OSBPL10: variants seen among roughly 807,000 people sequenced by gnomAD.
OSBPL10 encodes the protein oxysterol binding protein like 10, also known as oxysterol-binding protein-related protein 10.
A neutral mutation model predicts 81.7 loss-of-function variants in OSBPL10; 49 were observed. The observed-to-expected ratio is 0.60, with a 90% CI of 0.48 to 0.76. The LOEUF (loss-of-function observed/expected upper bound fraction) is 0.76, where lower values mean the gene tolerates loss of function less well. Ranked by LOEUF, OSBPL10 falls within the 30% of genes least tolerant of loss-of-function variation. The probability of loss-of-function intolerance (pLI) is 0.00; values close to 1 mark genes in which losing one functional copy is unlikely to be tolerated. For synonymous variants in OSBPL10, 419 were observed against 383.6 expected (o/e 1.09, Z -1.08); for missense variants, 923 against 987.8 (o/e 0.93, Z 0.88).
At chr3:31,708,637 A>G (rs1575490784) in intron 6 of OSBPL10, 1 of 833,080 alleles carries the variant, frequency 1.2e-6, no homozygotes, top group Non-Finnish European at 1.4e-6. Context: ...CATGCTTGGA[A>G]AAAGTATCTC....
chr3:31,792,702 GGT>G (rs1404326942), intron 4 of OSBPL10, among the ~76,000 whole-genome samples: 2 of 149,802 alleles, frequency 1.3e-5, no homozygotes, highest in African/African-American at 2.5e-5. Flanking sequence ...GGTGTGCAGG[GGT>G]GTGTGTGTTT....
At chr3:31,735,431 C>A (rs1461804356) in intron 5 of OSBPL10, among the ~76,000 whole-genome samples, 1 of 152,142 alleles carries the variant, frequency 6.6e-6, no homozygotes, top group Non-Finnish European at 1.5e-5. Context: ...CAATGAAAGA[C>A]CCTGTTTCAA....
At chr3:31,925,770 G>A (rs1697055892) in intron 1 of OSBPL10, among the ~76,000 whole-genome samples, 2 of 152,030 alleles carry the variant, frequency 1.3e-5, no homozygotes, top group African/African-American at 2.4e-5. Context: ...CCGAGATTGT[G>A]CCACTGCACT....
chr3:31,716,858 A>G (rs1696460093), intron 6 of OSBPL10: 1 of 152,228 alleles, frequency 6.6e-6, no homozygotes, highest in African/African-American at 2.4e-5. Flanking sequence ...ATCAGTGGCC[A>G]CACCAGGCAG....
chr3:32,015,496 T>C (rs975751780), intron 2 of OSBPL10, among the ~76,000 whole-genome samples: 2 of 152,012 alleles, frequency 1.3e-5, no homozygotes, highest in Non-Finnish European at 2.9e-5. Context: ...CCATAAAAAC[T>C]CTAGAAGAAA....
At chr3:31,845,623 T>C (rs1396779039) in intron 3 of OSBPL10, among the ~76,000 whole-genome samples, 3 of 152,174 alleles carry the variant, frequency 2.0e-5, no homozygotes, top group African/African-American at 2.4e-5. Context: ...TAAGAAGCGG[T>C]TCTGTGTCAG....
intron 5 of OSBPL10, among the ~76,000 whole-genome samples, chr3:31,740,109 T>C (rs537043922): frequency 3.4e-4 from 51 of 151,606 alleles, no homozygotes; most frequent in African/African-American, 1.2e-3. Flanking sequence ...AGTGGCACGA[T>C]TGCAGCTCAC....
chr3:31,793,766 GT>G (rs1699098086), intron 4 of OSBPL10, among the ~76,000 whole-genome samples: 1 of 152,176 alleles, frequency 6.6e-6, no homozygotes, highest in African/African-American at 2.4e-5. Flanking sequence ...TTAAAAAGTG[GT>G]TTTTTGACTA....
chr3:31,666,737 G>A (rs924903432), intron 10 of OSBPL10, among the ~76,000 whole-genome samples: 8 of 152,074 alleles, frequency 5.3e-5, no homozygotes, highest in African/African-American at 1.2e-4. Flanking sequence ...ACATACCTAC[G>A]ATGTCATTTA....
chr3:31,920,880 C>T (rs1328540976), intron 1 of OSBPL10, among the ~76,000 whole-genome samples: 7 of 152,168 alleles, frequency 4.6e-5, no homozygotes, highest in Admixed American at 4.6e-4. Flanking sequence ...CACCTTCCAC[C>T]ATGATTGGAA....
At chr3:31,676,395 C>T (rs3892501) in intron 8 of OSBPL10, among the ~76,000 whole-genome samples, 54,286 of 140,852 alleles carry the variant, frequency 0.39, 10,289 homozygotes, top group African/African-American at 0.5. Context: ...TAAGAGAAGC[C>T]AAAAAAAAAA....
chr3:31,882,397 C>G (rs1237863892), intron 1 of OSBPL10, among the ~76,000 whole-genome samples: 1 of 152,124 alleles, frequency 6.6e-6, no homozygotes, highest in Non-Finnish European at 1.5e-5. Context: ...ATCCCCAAGC[C>G]GGCAGTAACA....
chr3:31,707,310 A>G (rs1696102501), intron 6 of OSBPL10: 1 of 152,228 alleles, frequency 6.6e-6, no homozygotes, highest in Non-Finnish European at 1.5e-5. Flanking sequence ...AGTATCCAAT[A>G]AACAGACAAT....
At chr3:31,674,804 T>C (rs2125524672) in intron 8 of OSBPL10, among the ~76,000 whole-genome samples, 1 of 152,244 alleles carries the variant, frequency 6.6e-6, no homozygotes, top group South Asian at 2.1e-4. Flanking sequence ...AATAAACCTC[T>C]TTCCTCTCAG....
intron 2 of OSBPL10, among the ~76,000 whole-genome samples, chr3:31,993,099 G>T (rs57434781): frequency 6.6e-6 from 1 of 151,782 alleles, no homozygotes; most frequent in South Asian, 2.1e-4. Flanking sequence ...TGCAAATCAT[G>T]TGTTTGACCA....
chr3:31,967,332 A>G (rs1698429199), intron 1 of OSBPL10, among the ~76,000 whole-genome samples: 1 of 152,086 alleles, frequency 6.6e-6, no homozygotes, highest in South Asian at 2.1e-4. Context: ...CTTGGCCTCA[A>G]GCGATCCTCC....
At chr3:31,868,400 C>T (rs1412003699) in intron 3 of OSBPL10, among the ~76,000 whole-genome samples, 1 of 151,950 alleles carries the variant, frequency 6.6e-6, no homozygotes, top group East Asian at 1.9e-4. Context: ...AAAGGCAATC[C>T]CCGAGCTCCA....
rs182953156 is a variant in OSBPL10 at position 31,989,188 on chromosome 3, G to A, written n.298+57303C>T. On this transcript the variant is annotated intron_variant and non_coding_transcript_variant, in intron 2 of 3. Coordinates refer to the OSBPL10 transcript ENST00000479173. ...TGTGGCTATAGAATTCTCTTTGGAG[G>A]AGTGGAAATGCCTGGACCCTACGCA... 1.2e-6 allele frequency: 2 copies of A among 1,614,052 alleles called. No homozygotes were observed. Among genetic ancestry groups the A allele is most frequent in the Admixed American group, 1.7e-5 (1 of 60,000 alleles).
intron 2 of OSBPL10, among the ~76,000 whole-genome samples, chr3:31,999,902 C>T (rs569192829): frequency 4.6e-5 from 7 of 152,250 alleles, no homozygotes; most frequent in Admixed American, 6.5e-5. Flanking sequence ...AAAGGTCATT[C>T]GATTCCCTTG....
Sources: gnomAD v4.1 joint callset for allele counts (sites outside exome capture counted in the v4.1 genomes callset) on GRCh38, gnomAD v4.1.1 for gene constraint, MANE v1.5 for transcripts, NCBI Gene and HGNC (gene_info 2026-07-23, HGNC 2026-07-21) for gene names.